The following SLC49A4 variants were observed in gnomAD, a reference collection of about 807,000 sequenced individuals.
SLC49A4 encodes the protein solute carrier family 49 member 4.
SLC49A4 carries 36 observed loss-of-function variants against 50.6 expected under a neutral mutation model. The ratio of observed to expected loss-of-function variants is 0.71; its 90% CI spans 0.55 to 0.94. SLC49A4 has a LOEUF of 0.94. SLC49A4 is among the 40% of genes least tolerant of loss of function. The pLI is 0.00. For missense variants in SLC49A4, 503 were observed against 605.7 expected, an observed-to-expected ratio of 0.83 and a Z score of 1.78; for synonymous variants, 248 against 241.2, an observed-to-expected ratio of 1.03 and a Z score of -0.26.
At position 122,795,191 on chromosome 3, in the gene SLC49A4, C is replaced by T. The variant is rs1232447052; in HGVS notation, c.-2C>T. 3.8e-6 allele frequency: 5 copies of T among 1,320,196 alleles called. No homozygotes were observed. The African/African-American group carries it at 7.7e-5, about 20-fold the overall frequency. The allele number at this position is 1,320,196 out of a possible 1,614,324, so 81.8% of individuals were successfully genotyped here. A position where few individuals can be genotyped will look rare whatever the true frequency, so the allele number is the denominator to read the frequency against. The stretch of plus-strand genomic sequence containing the variant: ...CAGTGGCTTCGCGGGCGACGCGTCG[C>T]CATGGGCTCTCGCTGGAGCAGCGAA... On this transcript the variant is annotated 5_prime_UTR_variant, in exon 1 of 9. Transcript: ENST00000261038.
chr3:122,813,162 A>G (rs1936322411), intron 2 of SLC49A4, among the ~76,000 whole-genome samples: 1 of 151,584 alleles, frequency 6.6e-6, no homozygotes, highest in East Asian at 1.9e-4. Context: ...AAGCAGGAGA[A>G]TCCGGGAGGT....
intron 2 of SLC49A4, among the ~76,000 whole-genome samples, chr3:122,815,327 A>T (rs968607824): frequency 1.3e-5 from 2 of 152,086 alleles, no homozygotes; most frequent in East Asian, 1.9e-4. Context: ...GGCCTCAAGT[A>T]ATCTGCCCGC....
chr3:122,795,265 G>T lies in SLC49A4; in HGVS notation c.73G>T (p.Ala25Ser). The T allele has an allele frequency of 7.2e-7, 1 of 1,396,404 alleles. No individual in the cohort carries two copies. The highest frequency in any genetic ancestry group is 9.2e-7 in the Non-Finnish European group (1 of 1,088,388). 86.5% of individuals were successfully genotyped at this position (1,396,404 alleles called of 1,614,324 possible). The stretch of plus-strand genomic sequence containing the variant: ...GCCCGGGCTCGGGCCTGGGCTGGGG[G>T]CCTCCTGGAGAAGCCGGGAGGCGGC... ...LGPGLGPGLGASWRSREAAAA... is the reference protein window; with the variant it reads ...LGPGLGPGLGSSWRSREAAAA... The change falls in exon 1 of 9, where the codon GCC becomes TCC. Residue 25 changes from alanine (A) to serine (S), a missense_variant. Coordinates refer to ENST00000261038, the MANE Select transcript of SLC49A4 (RefSeq NM_032839.3).
chr3:122,842,485 C>CAAAAAAAA (rs34914829), intron 4 of SLC49A4, among the ~76,000 whole-genome samples: 2 of 58,758 alleles, frequency 3.4e-5, no homozygotes, highest in African/African-American at 1.4e-4. Context: ...GACTCCGTCT[C>CAAAAAAAA]AAAAAAAAAA....
Position 122,860,071 on chromosome 3 carries a change from T to G in SLC49A4, c.1011-4T>G. The G allele has an allele frequency of 6.2e-7, 1 of 1,602,638 alleles. No individual in the cohort carries two copies. The highest frequency in any genetic ancestry group is 8.5e-7 in the Non-Finnish European group (1 of 1,176,126). ...TAGAATTAATAGAGCATTTTTGTTT[T>G]TAGGTTTGCAGATTTTATCAGGGGT... On this transcript the variant is annotated splice_polypyrimidine_tract_variant and splice_region_variant and intron_variant, in intron 6 of 8. Transcript: ENST00000261038.
At chr3:122,809,815 A>G (rs1467569570) in intron 2 of SLC49A4, among the ~76,000 whole-genome samples, 3 of 152,250 alleles carry the variant, frequency 2.0e-5, no homozygotes, top group East Asian at 1.9e-4. Context: ...GAGTGTATAA[A>G]TTGAATTTTC....
At chr3:122,827,086 T>G (rs1320593163) in intron 3 of SLC49A4, 21 bp downstream of exon 3, 1 of 1,593,396 alleles carries the variant, frequency 6.3e-7, no homozygotes, top group Non-Finnish European at 8.6e-7. Context: ...GTTTATTTTC[T>G]TCTTGTTATA....
chr3:122,823,107 G>A (rs547232176), intron 2 of SLC49A4, among the ~76,000 whole-genome samples: 2 of 152,250 alleles, frequency 1.3e-5, no homozygotes, highest in East Asian at 3.9e-4. Context: ...AGGGCCAAGG[G>A]GATGTGCACA....
chr3:122,838,250 T>C (rs1404935810), intron 4 of SLC49A4, among the ~76,000 whole-genome samples: 1 of 151,950 alleles, frequency 6.6e-6, no homozygotes, highest in Non-Finnish European at 1.5e-5. Flanking sequence ...TATAAAGACA[T>C]GCAAACGTAT....
chr3:122,806,119 C>G (rs1936214389), intron 1 of SLC49A4, among the ~76,000 whole-genome samples: 1 of 152,114 alleles, frequency 6.6e-6, no homozygotes, highest in African/African-American at 2.4e-5. Context: ...AGGCAGTACT[C>G]TATCACCTTA....
At chr3:122,864,039 T>A (rs1303712285) in intron 7 of SLC49A4, among the ~76,000 whole-genome samples, 3 of 152,048 alleles carry the variant, frequency 2.0e-5, no homozygotes, top group Non-Finnish European at 1.5e-5. Context: ...CAGGAGTGAG[T>A]CACCACGCCC....
rs1936635093 is a variant in SLC49A4, at chr3:122,833,437, G to A, written c.824G>A (p.Arg275Lys). ...CTGAGTTATCGGAGAAGCGTTTGTA[G>A]ATTATTAAGGTAAATATACTGAGAG... is the stretch of plus-strand genomic sequence containing the variant. ...QRLSYRRSVC[R>K]LLSNFRFLMI... Residue 275 changes from arginine (R) to lysine (K), a missense_variant, in exon 4 of 9, where the codon AGA (arginine) becomes AAA (lysine). Transcript: ENST00000261038. The A allele has an allele frequency of 2.5e-6, 4 of 1,612,898 alleles. No individual in the cohort carries two copies. Among genetic ancestry groups the A allele is most frequent in the African/African-American group, 2.7e-5 (2 of 74,844 alleles).
At chr3:122,817,962 A>G (rs190730549) in intron 2 of SLC49A4, among the ~76,000 whole-genome samples, 1 of 152,058 alleles carries the variant, frequency 6.6e-6, no homozygotes, top group East Asian at 1.9e-4. Context: ...TACTGATGGG[A>G]ATGTAAATTA....
At chr3:122,839,289 T>C (rs886916579) in intron 4 of SLC49A4, among the ~76,000 whole-genome samples, 1 of 151,992 alleles carries the variant, frequency 6.6e-6, no homozygotes, top group Admixed American at 6.6e-5. Context: ...CCATAAAAAT[T>C]CTAGAAGATA....
chr3:122,845,402 T>C (rs1199704631), intron 4 of SLC49A4, among the ~76,000 whole-genome samples: 6 of 152,182 alleles, frequency 3.9e-5, no homozygotes, highest in African/African-American at 1.4e-4. Context: ...ATCTTTGCTA[T>C]TGTGAATAGT....
intron 5 of SLC49A4, among the ~76,000 whole-genome samples, chr3:122,849,817 C>A (rs1333048755): frequency 6.6e-6 from 1 of 152,014 alleles, no homozygotes; most frequent in East Asian, 1.9e-4. Context: ...TGTTCAGAAG[C>A]CATTTAGCTT....
intron 7 of SLC49A4, among the ~76,000 whole-genome samples, chr3:122,870,250 T>G (rs1937180014): frequency 6.6e-6 from 1 of 152,126 alleles, no homozygotes; most frequent in African/African-American, 2.4e-5. Context: ...TTCTTTCCTG[T>G]TACTTACTTC....
At chr3:122,877,471 C>T (rs755349775) in intron 8 of SLC49A4, among the ~76,000 whole-genome samples, 5 of 152,156 alleles carry the variant, frequency 3.3e-5, no homozygotes, top group African/African-American at 4.8e-5. Context: ...CTAATAGTAA[C>T]GCTGAAATAA....
At chr3:122,873,731 C>T (rs1338047783) in intron 8 of SLC49A4, among the ~76,000 whole-genome samples, 1 of 152,190 alleles carries the variant, frequency 6.6e-6, no homozygotes, top group Non-Finnish European at 1.5e-5. Flanking sequence ...TCTTTGTTGT[C>T]CTGGAAACAC....
Sources: allele counts gnomAD v4.1 joint callset (sites outside exome capture counted in the v4.1 genomes callset), GRCh38; gene constraint gnomAD v4.1.1; transcripts MANE v1.5; gene names NCBI Gene and HGNC (gene_info 2026-07-23, HGNC 2026-07-21).